The following ROR2 variants were observed in gnomAD, a reference collection of about 807,000 sequenced individuals.
The protein encoded by ROR2 is ROR family WNT receptor 2.
ROR2 carries 33 observed loss-of-function variants against 74.9 expected under a neutral mutation model. The ratio of observed to expected loss-of-function variants is 0.44; its 90% CI spans 0.33 to 0.59. ROR2 has a LOEUF of 0.59. Ranked by LOEUF, ROR2 falls within the 20% of genes least tolerant of loss-of-function variation. ROR2 has a pLI of 0.02. For synonymous variants in ROR2, 586 were observed against 558.7 expected (o/e 1.05, Z -0.69); for missense variants, 1,216 against 1,313.8 (o/e 0.93, Z 1.15).
intron 5 of ROR2, among the ~76,000 whole-genome samples, chr9:91,734,691 C>T (rs530002381): frequency 1.3e-5 from 2 of 152,280 alleles, no homozygotes; most frequent in East Asian, 3.9e-4. Flanking sequence ...GTTTCTGTAC[C>T]TGAAGAGTGA....
intron 3 of ROR2, among the ~76,000 whole-genome samples, chr9:91,756,875 T>C (rs1364828218): frequency 1.3e-5 from 2 of 150,968 alleles, no homozygotes; most frequent in Non-Finnish European, 3.0e-5. Context: ...CTCAGCCTCC[T>C]GAGTAGCTGG....
At chr9:91,846,682 G>A (rs1025119364) in intron 1 of ROR2, among the ~76,000 whole-genome samples, 5 of 151,972 alleles carry the variant, frequency 3.3e-5, no homozygotes, top group African/African-American at 7.3e-5. Context: ...TTCAAGTTTC[G>A]AGTCTTGCCT....
In ROR2 at chr9:91,725,023, G is replaced by A. The variant is rs1261564494; in HGVS notation, c.1471C>T (p.His491Tyr). The A allele has an allele frequency of 2.5e-6, 4 of 1,613,972 alleles. No individual in the cohort carries two copies. The South Asian group carries it at 4.4e-5, about 18-fold the overall frequency. Reference protein sequence around the residue: ...EDRFGKVYKGHLFGPAPGEQT... With the variant: ...EDRFGKVYKGYLFGPAPGEQT... ...TCCCCCGGGGCAGGGCCGAACAGGT[G>A]ACCTTTGTAGACTTTCCCAAACCGG... is the stretch of plus-strand genomic sequence containing the variant. Residue 491 changes from histidine to tyrosine, a missense_variant, in exon 9 of 9, where the codon CAC (histidine) becomes TAC (tyrosine). Transcript: ENST00000375708.
intron 2 of ROR2, among the ~76,000 whole-genome samples, chr9:91,774,610 C>A (rs904020288): frequency 1.3e-5 from 2 of 152,152 alleles, no homozygotes; most frequent in African/African-American, 4.8e-5. Context: ...GGATTTTAAT[C>A]GGCTTTAATC....
At chr9:91,910,852 C>T (rs1334120915) in intron 1 of ROR2, among the ~76,000 whole-genome samples, 3 of 152,174 alleles carry the variant, frequency 2.0e-5, no homozygotes, top group East Asian at 1.9e-4. Context: ...TTAGTAGAGA[C>T]GGGGTTTCAC....
At chr9:91,919,878 G>C (rs1300254754) in intron 1 of ROR2, among the ~76,000 whole-genome samples, 1 of 152,180 alleles carries the variant, frequency 6.6e-6, no homozygotes, top group African/African-American at 2.4e-5. Context: ...GAGGAGAGTA[G>C]AACCAACAAC....
At chr9:91,763,314 C>T (rs4295719) in intron 2 of ROR2, among the ~76,000 whole-genome samples, 11,373 of 152,194 alleles carry the variant, frequency 0.075, 621 homozygotes, top group East Asian at 0.16. Context: ...CATGTACCTC[C>T]GAACCTAAAA....
At chr9:91,805,596 G>A (rs1827519211) in intron 1 of ROR2, among the ~76,000 whole-genome samples, 1 of 152,202 alleles carries the variant, frequency 6.6e-6, no homozygotes, top group Non-Finnish European at 1.5e-5. Context: ...AACCTAAGGA[G>A]TGGCAGAGGA....
At chr9:91,736,551 C>G (rs1427597543) in intron 5 of ROR2, among the ~76,000 whole-genome samples, 2 of 152,256 alleles carry the variant, frequency 1.3e-5, no homozygotes, top group South Asian at 2.1e-4. Context: ...CACCGGCCAT[C>G]TGCACAGGAT....
At chr9:91,877,219 T>C (rs1183900902) in intron 1 of ROR2, among the ~76,000 whole-genome samples, 1 of 152,218 alleles carries the variant, frequency 6.6e-6, no homozygotes, top group Non-Finnish European at 1.5e-5. Context: ...ACCCTTTAAA[T>C]GCAGCTTCCT....
Position 91,733,288 on chromosome 9 carries a change from C to T in ROR2, c.771G>A (p.Glu257=). 3 of 1,612,996 alleles carry T rather than the reference C, an allele frequency of 1.9e-6. No homozygotes were observed. The highest frequency in any genetic ancestry group is 1.6e-4 in the Middle Eastern group (1 of 6,062). Residue 257 remains glutamate (E), a synonymous_variant, in exon 6 of 9, where the codon GAG becomes GAA. Transcript: ENST00000375708. The surrounding 1 kb of genome is among the most constrained non-coding windows in gnomAD (Gnocchi z 5.7). ...KPRELCRDEC[E]VLESDLCRQE... is the part of the protein sequence containing the mutation. Reference sequence around the variant, plus strand: ...GGCGGCACAGGTCGCTCTCCAGCACCTCGCACTCGTCGCGGCACAGCTCAC... The same window carrying T: ...GGCGGCACAGGTCGCTCTCCAGCACTTCGCACTCGTCGCGGCACAGCTCAC...
intron 1 of ROR2, among the ~76,000 whole-genome samples, chr9:91,859,348 C>T (rs138720817): frequency 4.5e-4 from 68 of 152,012 alleles, no homozygotes; most frequent in African/African-American, 1.2e-3. Context: ...ACTTCAGGCA[C>T]GCCACCATGC....
chr9:91,838,468 CT>C (rs1173846479), intron 1 of ROR2, among the ~76,000 whole-genome samples: 1 of 152,228 alleles, frequency 6.6e-6, no homozygotes, highest in African/African-American at 2.4e-5. Context: ...CAGCCGCTAT[CT>C]TTTCTCTCCT....
At chr9:91,942,342 T>G (rs569549759) in intron 1 of ROR2, among the ~76,000 whole-genome samples, 19 of 152,302 alleles carry the variant, frequency 1.2e-4, no homozygotes, top group Non-Finnish European at 1.0e-4. Flanking sequence ...ATCTCGCCAG[T>G]CTACAGTTAG....
chr9:91,850,931 G>T (rs1437165460), intron 1 of ROR2, among the ~76,000 whole-genome samples: 1 of 151,834 alleles, frequency 6.6e-6, no homozygotes, highest in Non-Finnish European at 1.5e-5. Context: ...GGGGGTGACT[G>T]GTATTAAAAC....
In ROR2 at chr9:91,775,751, T is replaced by C. The variant is rs1319480756; in HGVS notation, c.165A>G (p.Pro55=). ...GPLDGQDGPI[P]TLKGYFLNFL... ...CATGTCCCAGCTCACCTTTCAGAGT[T>C]GGAATCGGGCCGTCCTGCCCATCAA... Residue 55 remains proline (P), a synonymous_variant, in exon 2 of 9, where the codon CCA becomes CCG. Coordinates refer to ENST00000375708, the MANE Select transcript of ROR2 (RefSeq NM_004560.4). 2 of 1,614,002 alleles carry C rather than the reference T, an allele frequency of 1.2e-6. No individual in the cohort carries two copies. Among genetic ancestry groups the C allele is most frequent in the Non-Finnish European group, 1.7e-6 (2 of 1,179,960 alleles).
intron 1 of ROR2, among the ~76,000 whole-genome samples, chr9:91,878,838 G>A (rs1830025047): frequency 1.3e-5 from 2 of 152,212 alleles, no homozygotes. Flanking sequence ...AGCACTTTGG[G>A]AGGCCGAGAC....
intron 1 of ROR2, among the ~76,000 whole-genome samples, chr9:91,825,675 G>C (rs901517962): frequency 6.6e-5 from 10 of 152,126 alleles, no homozygotes; most frequent in African/African-American, 2.4e-4. Flanking sequence ...AGTCAGCTCT[G>C]AACTGGTTTG....
At chr9:91,860,285 T>C (rs1829432835) in intron 1 of ROR2, among the ~76,000 whole-genome samples, 1 of 151,972 alleles carries the variant, frequency 6.6e-6, no homozygotes, top group Non-Finnish European at 1.5e-5. Context: ...GACTCCCTGA[T>C]TGTGAAAGAA....
Sources: gnomAD v4.1 joint callset for allele counts (sites outside exome capture counted in the v4.1 genomes callset) on GRCh38, gnomAD v4.1.1 for gene constraint, Gnocchi (gnomAD v3.1) non-coding constraint, MANE v1.5 for transcripts, NCBI Gene and HGNC (gene_info 2026-07-23, HGNC 2026-07-21) for gene names.